Variants in CDH13 observed in about 807,000 individuals in gnomAD.
The protein encoded by CDH13 is cadherin 13.
CDH13 carries 24 observed loss-of-function variants against 63.8 expected under a neutral mutation model. The observed-to-expected ratio is 0.38, with a 90% CI of 0.27 to 0.53. The LOEUF (loss-of-function observed/expected upper bound fraction) is 0.53, where lower values mean the gene tolerates loss of function less well. CDH13 is among the 20% of genes least tolerant of loss of function. The pLI is 0.85. For missense variants in CDH13, 1,049 were observed against 903.1 expected (o/e 1.16, Z -2.07); for synonymous variants, 503 against 355.3 (o/e 1.42, Z -4.67).
intron 6 of CDH13, among the ~76,000 whole-genome samples, chr16:83,352,239 C>T (rs2090968199): frequency 6.6e-6 from 1 of 151,698 alleles, no homozygotes; most frequent in South Asian, 2.1e-4. Flanking sequence ...TTGCATAATC[C>T]AATCAGAGAC....
At chr16:83,552,371 C>T (rs2075520886) in intron 7 of CDH13, among the ~76,000 whole-genome samples, 1 of 152,184 alleles carries the variant, frequency 6.6e-6, no homozygotes, top group South Asian at 2.1e-4. Flanking sequence ...AAGGAAATGC[C>T]AATCTGGTAA....
At chr16:83,483,983 G>A (rs2073831076) in intron 6 of CDH13, among the ~76,000 whole-genome samples, 1 of 152,152 alleles carries the variant, frequency 6.6e-6, no homozygotes. Flanking sequence ...GCTGAACCTT[G>A]AAGCTTGCCC....
intron 1 of CDH13, among the ~76,000 whole-genome samples, chr16:82,845,698 A>G (rs542558713): frequency 1.6e-4 from 25 of 152,260 alleles, no homozygotes; most frequent in South Asian, 1.5e-3. Flanking sequence ...AGTACCTCAT[A>G]TAGGGGCTCC....
chr16:83,663,334 C>T (rs1598432791), intron 8 of CDH13, among the ~76,000 whole-genome samples: 1 of 152,154 alleles, frequency 6.6e-6, no homozygotes, highest in East Asian at 1.9e-4. Flanking sequence ...TGAGCTATAT[C>T]TACTCAAAAC....
At chr16:83,293,493 T>C (rs763264769) in intron 5 of CDH13, among the ~76,000 whole-genome samples, 1 of 152,186 alleles carries the variant, frequency 6.6e-6, no homozygotes, top group Non-Finnish European at 1.5e-5. Context: ...ATAGCAAGAC[T>C]TTATCCATGT....
chr16:82,886,949 T>G (rs1330569941), intron 2 of CDH13, among the ~76,000 whole-genome samples: 2 of 152,228 alleles, frequency 1.3e-5, no homozygotes, highest in Non-Finnish European at 2.9e-5. Flanking sequence ...CCATTCTGTA[T>G]GCCTTCTATG....
chr16:82,980,270 C>G (rs986351563), intron 2 of CDH13, among the ~76,000 whole-genome samples: 2 of 152,174 alleles, frequency 1.3e-5, no homozygotes, highest in Non-Finnish European at 2.9e-5. Flanking sequence ...GATTCCTTTT[C>G]TCCCTGCCTT....
intron 5 of CDH13, among the ~76,000 whole-genome samples, chr16:83,287,966 A>G (rs1413668386): frequency 6.6e-6 from 1 of 152,180 alleles, no homozygotes; most frequent in Non-Finnish European, 1.5e-5. Flanking sequence ...GCAAAATATG[A>G]ACATGTTTTA....
At chr16:83,038,970 A>T (rs999613950) in intron 3 of CDH13, among the ~76,000 whole-genome samples, 3 of 152,170 alleles carry the variant, frequency 2.0e-5, no homozygotes, top group Admixed American at 6.5e-5. Context: ...TTATTCTGAC[A>T]TTGGGTTTGG....
chr16:83,132,644 C>G (rs1246548388), intron 4 of CDH13, among the ~76,000 whole-genome samples: 1 of 152,002 alleles, frequency 6.6e-6, no homozygotes, highest in African/African-American at 2.4e-5. Flanking sequence ...CAGGGTTTCA[C>G]CATGTTGGCC....
intron 5 of CDH13, among the ~76,000 whole-genome samples, chr16:83,302,650 G>A (rs958122078): frequency 6.6e-6 from 1 of 152,150 alleles, no homozygotes; most frequent in African/African-American, 2.4e-5. Context: ...TACTACCATG[G>A]TTCCTGCTTT....
intron 2 of CDH13, among the ~76,000 whole-genome samples, chr16:83,013,117 C>G (rs982627976): frequency 2.6e-5 from 4 of 152,228 alleles, no homozygotes; most frequent in Non-Finnish European, 5.9e-5. Context: ...GATCAACAAA[C>G]TTATTTTGAA....
intron 6 of CDH13, among the ~76,000 whole-genome samples, chr16:83,351,131 G>A (rs1373237355): frequency 6.6e-6 from 1 of 152,126 alleles, no homozygotes; most frequent in Non-Finnish European, 1.5e-5. Context: ...CTTTTTACTT[G>A]TTGCAGTAAC....
chr16:82,877,721 T>G (rs1300892564), intron 2 of CDH13, among the ~76,000 whole-genome samples: 1 of 152,044 alleles, frequency 6.6e-6, no homozygotes, highest in African/African-American at 2.4e-5. Context: ...CCCCAGAATC[T>G]AACTCCTTTC....
At chr16:82,754,949 T>C (rs981425786) in intron 1 of CDH13, among the ~76,000 whole-genome samples, 4 of 152,246 alleles carry the variant, frequency 2.6e-5, no homozygotes, top group Admixed American at 2.6e-4. Flanking sequence ...CAATCATGTT[T>C]GTTAAGGAGA....
intron 1 of CDH13, among the ~76,000 whole-genome samples, chr16:82,761,017 C>T (rs77866338): frequency 3.7e-4 from 15 of 40,484 alleles, no homozygotes; most frequent in African/African-American, 4.5e-4. Context: ...TTCTTTCTTT[C>T]TTTTTTTTTT....
chr16:82,684,200 A>T (rs375948254), intron 1 of CDH13, among the ~76,000 whole-genome samples: 3 of 152,360 alleles, frequency 2.0e-5, no homozygotes, highest in South Asian at 4.1e-4. Context: ...CCTGGATTTC[A>T]GGAATTTGAG....
At position 82,702,148 on chromosome 16, in the gene CDH13, C is replaced by T. The variant is rs746355761; in HGVS notation, c.45+75011C>T. Among the ~76,000 whole-genome samples the T allele has an allele frequency of 3.2e-4, 48 of 152,282 alleles. 1 individual carries two copies. The highest frequency in any genetic ancestry group is 3.4e-3 in the Middle Eastern group (1 of 294). On this transcript the variant is annotated intron_variant, in intron 1 of 13. Transcript: ENST00000567109. The stretch of plus-strand genomic sequence containing the variant: ...TTTCTGTGTGTGCTGCGTGTTTGCT[C>T]TGCTGCTGAGATCCATGCTTTTCCC...
chr16:83,002,601 T>A (rs991782562), intron 2 of CDH13, among the ~76,000 whole-genome samples: 5 of 152,190 alleles, frequency 3.3e-5, no homozygotes, highest in Admixed American at 3.3e-4. Flanking sequence ...AGACAGGCAA[T>A]AAACAAATAA....
Sources: allele counts gnomAD v4.1 joint callset (sites outside exome capture counted in the v4.1 genomes callset), GRCh38; gene constraint gnomAD v4.1.1; transcripts MANE v1.5; gene names NCBI Gene and HGNC (gene_info 2026-07-23, HGNC 2026-07-21).